The following REXO5 variants were observed in gnomAD, a reference collection of about 807,000 sequenced individuals.
The protein encoded by REXO5 is RNA exonuclease 5.
In REXO5, 48 loss-of-function variants were observed where a neutral mutation model predicts 88.5. The observed-to-expected ratio is 0.54, with a 90% CI of 0.43 to 0.69. The LOEUF is 0.69. Among genes scored for constraint, REXO5 ranks in the 30% least tolerant of loss-of-function variants. The pLI, the probability that REXO5 is intolerant of heterozygous loss-of-function variation, is 0.00. For synonymous variants in REXO5, 311 were observed against 336.5 expected (o/e 0.92, Z 0.83); for missense variants, 749 against 912.2 (o/e 0.82, Z 2.30).
intron 11 of REXO5, among the ~76,000 whole-genome samples, chr16:20,830,866 G>A (rs1206348296): frequency 6.6e-6 from 1 of 151,968 alleles, no homozygotes; most frequent in Non-Finnish European, 1.5e-5. Flanking sequence ...TGAAGACCCA[G>A]GGACTCTGGG....
chr16:20,813,768 G>T (rs1189013192), intron 3 of REXO5, among the ~76,000 whole-genome samples: 2 of 152,080 alleles, frequency 1.3e-5, no homozygotes, highest in Non-Finnish European at 2.9e-5. Context: ...CAAATAAAAG[G>T]CAAAGAGAGC....
At chr16:20,819,204 TC>T (rs1016712246) in intron 5 of REXO5, among the ~76,000 whole-genome samples, 31 of 152,138 alleles carry the variant, frequency 2.0e-4, no homozygotes, top group African/African-American at 7.0e-4. Flanking sequence ...CCATGTCTTT[TC>T]CACCTGCGCA....
intron 13 of REXO5, 53 bp from the exon 14 acceptor site, chr16:20,839,702 C>G: frequency 8.2e-7 from 1 of 1,216,512 alleles, no homozygotes; most frequent in Non-Finnish European, 1.2e-6. Context: ...TATCCAGGAG[C>G]CACAATAGAG....
chr16:20,846,405 A>G, intron 19 of REXO5, 66 bp downstream of exon 19: 1 of 1,244,250 alleles, frequency 8.0e-7, no homozygotes, highest in Non-Finnish European at 1.2e-6. Context: ...CTTAGAGAAA[A>G]AGCCTTTTGC....
At chr16:20,845,311 C>CTTT in intron 18 of REXO5, 70 bp downstream of exon 18, 5 of 1,083,018 alleles carry the variant, frequency 4.6e-6, no homozygotes, top group Non-Finnish European at 6.3e-6. Flanking sequence ...ATCCTTTAAT[C>CTTT]TTTTTTTTTT....
chr16:20,815,577 G>A (rs1037016452), intron 4 of REXO5, among the ~76,000 whole-genome samples: 3 of 152,020 alleles, frequency 2.0e-5, no homozygotes, highest in African/African-American at 7.3e-5. Flanking sequence ...CACTTCCTGT[G>A]TATCAGGCTC....
In REXO5 at chr16:20,832,128, A is replaced by C. The variant is rs548649976; in HGVS notation, c.1159-28A>C. The C allele has an allele frequency of 1.0e-4, 149 of 1,448,768 alleles. 1 individual carries two copies. In the East Asian group the frequency reaches 2.5e-3, roughly 25 times the overall value. The allele number at this position is 1,448,768 out of a possible 1,614,324, so 89.7% of individuals were successfully genotyped here. ...AGCATCAAATGCTCTGCAAGCAATT[A>C]TATTTTTACCACTTTGTTTTCTTCA... On this transcript the variant is annotated intron_variant, in intron 11 of 19. Coordinates refer to ENST00000261377, the MANE Select transcript of REXO5 (RefSeq NM_030941.3).
intron 5 of REXO5, among the ~76,000 whole-genome samples, 193 bp from the exon 6 acceptor site, chr16:20,821,569 C>T (rs372131179): frequency 4.6e-5 from 7 of 152,228 alleles, no homozygotes; most frequent in African/African-American, 1.4e-4. Flanking sequence ...GCTGGGATTA[C>T]AGGCGTGAGC....
At chr16:20,841,692 C>G (rs1431436383) in intron 15 of REXO5, among the ~76,000 whole-genome samples, 1 of 152,124 alleles carries the variant, frequency 6.6e-6, no homozygotes, top group African/African-American at 2.4e-5. Flanking sequence ...ACAGCCTCTG[C>G]CTCCCCAGTT....
chr16:20,849,574 GC>G lies in REXO5; in HGVS notation c.*95del. ...CTGTAGCCTCCCCAACCAGCAGACA[GC>G]TTTATGGAAACTTGGTATAGCAGCT... On this transcript the variant is annotated 3_prime_UTR_variant, in exon 20 of 20. Coordinates refer to ENST00000261377, the MANE Select transcript of REXO5 (RefSeq NM_030941.3). The G allele has an allele frequency of 8.8e-7, 1 of 1,135,902 alleles. No individual in the cohort carries two copies. The highest frequency in any genetic ancestry group is 1.3e-6 in the Non-Finnish European group (1 of 757,208). 70.4% of individuals were successfully genotyped at this position (1,135,902 alleles called of 1,614,324 possible).
intron 5 of REXO5, among the ~76,000 whole-genome samples, chr16:20,820,665 G>A (rs1378752046): frequency 3.6e-5 from 5 of 137,540 alleles, no homozygotes; most frequent in African/African-American, 1.4e-4. Flanking sequence ...CCGAGTTCAA[G>A]CAATTCTTGT....
intron 8 of REXO5, among the ~76,000 whole-genome samples, chr16:20,826,205 A>G (rs979839997): frequency 2.0e-5 from 3 of 152,164 alleles, no homozygotes; most frequent in South Asian, 2.1e-4. Flanking sequence ...GAATCTCCCA[A>G]TTATAATCAT....
At chr16:20,813,094 ATGTT>A in intron 2 of REXO5, 92 bp from the exon 3 acceptor site, 1 of 805,766 alleles carries the variant, frequency 1.2e-6, no homozygotes, top group Non-Finnish European at 2.2e-6. Flanking sequence ...ATATACCTGT[ATGTT>A]AAAGTAATCA....
intron 11 of REXO5, among the ~76,000 whole-genome samples, chr16:20,829,668 C>T (rs1312944556): frequency 1.3e-5 from 2 of 152,272 alleles, no homozygotes; most frequent in South Asian, 2.1e-4. Context: ...TTCTAAAATG[C>T]TGTATATACA....
chr16:20,835,932 C>T (rs936977664), intron 13 of REXO5, among the ~76,000 whole-genome samples: 20 of 152,018 alleles, frequency 1.3e-4, no homozygotes, highest in Non-Finnish European at 2.9e-4. Context: ...CCCAGCTGCT[C>T]AGGAGGCTGA....
intron 11 of REXO5, among the ~76,000 whole-genome samples, 166 bp from the exon 12 acceptor site, chr16:20,831,990 A>C (rs2081352257): frequency 6.6e-6 from 1 of 152,226 alleles, no homozygotes; most frequent in Non-Finnish European, 1.5e-5. Flanking sequence ...TAACTATTGA[A>C]GCCATCCCAG....
chr16:20,838,458 G>C (rs539088874), intron 13 of REXO5, among the ~76,000 whole-genome samples: 103 of 152,242 alleles, frequency 6.8e-4, no homozygotes, highest in African/African-American at 2.1e-3. Context: ...TTGGGCATTT[G>C]AATAAATACC....
At position 20,849,491 on chromosome 16, in the gene REXO5, C is replaced by T. The variant is rs116434521; in HGVS notation, c.*11C>T. On this transcript the variant is annotated 3_prime_UTR_variant, in exon 20 of 20. Transcript: ENST00000261377. ...GGCCTGTGTTCGTGAGTCGGCCTGC[C>T]ATGTTTCCATGTGCCATTTCTTACC... The T allele has an allele frequency of 3.8e-3, 6,203 of 1,613,036 alleles. 223 individuals are homozygous for T. The African/African-American group carries it at 0.072, about 19-fold the overall frequency.
At chr16:20,825,303 A>G (rs1473832833) in intron 7 of REXO5, among the ~76,000 whole-genome samples, 1 of 152,190 alleles carries the variant, frequency 6.6e-6, no homozygotes, top group African/African-American at 2.4e-5. Flanking sequence ...AGTAACTAAG[A>G]CCTAAAATTT....
Sources: allele counts gnomAD v4.1 joint callset (sites outside exome capture counted in the v4.1 genomes callset), GRCh38; gene constraint gnomAD v4.1.1; transcripts MANE v1.5; gene names NCBI Gene and HGNC (gene_info 2026-07-23, HGNC 2026-07-21).